Variants in WDFY4 observed in about 807,000 individuals in gnomAD.
WDFY4 encodes the protein WD repeat- and FYVE domain-containing protein 4.
A neutral mutation model predicts 351.9 loss-of-function variants in WDFY4; 169 were observed. The ratio of observed to expected loss-of-function variants is 0.48; its 90% confidence interval spans 0.42 to 0.55. WDFY4 has a LOEUF of 0.55. WDFY4 is among the 20% of genes least tolerant of loss of function. The pLI is 0.00. For synonymous variants in WDFY4, 1,622 were observed against 1,574.6 expected (o/e 1.03, Z -0.71); for missense variants, 3,803 against 3,935.6 (o/e 0.97, Z 0.90).
rs1265977684 is a variant in WDFY4, at chr10:48,796,363, C to G, written c.4323C>G (p.Leu1441=). 1 of 1,552,246 alleles carries G rather than the reference C, an allele frequency of 6.4e-7. No individual in the cohort carries two copies. Among genetic ancestry groups the G allele is most frequent in the Non-Finnish European group, 8.7e-7 (1 of 1,147,150 alleles). Residue 1441 remains leucine, a synonymous_variant, in exon 24 of 62, where the codon CTC becomes CTG. Coordinates refer to ENST00000325239, the MANE Select transcript of WDFY4 (RefSeq NM_001394531.1). ...LLNHRIFQLI[L]SVAGTVELGF... ...ACCATCGAATTTTTCAGCTGATCCT[C>G]TCAGTGGCTGGCACTGTGGAGCTGG...
intron 13 of WDFY4, among the ~76,000 whole-genome samples, chr10:48,771,611 G>A (rs892635599): frequency 6.6e-6 from 1 of 152,220 alleles, no homozygotes; most frequent in Admixed American, 6.5e-5. Context: ...CTAACTTCAA[G>A]AGCCTTGTGA....
At chr10:48,888,803 T>G (rs1037369282) in intron 43 of WDFY4, among the ~76,000 whole-genome samples, 4 of 152,238 alleles carry the variant, frequency 2.6e-5, no homozygotes, top group African/African-American at 9.6e-5. Context: ...AGGGTCTATG[T>G]CCTCACCAAG....
chr10:48,765,338 C>A (rs571425836), intron 13 of WDFY4, among the ~76,000 whole-genome samples: 1 of 152,294 alleles, frequency 6.6e-6, no homozygotes, highest in South Asian at 2.1e-4. Context: ...ACCAAGCAGT[C>A]ACAGAGCCAT....
chr10:48,974,518 A>AAAAAAAAAAAAAACAAC (rs1287019683), intron 57 of WDFY4, among the ~76,000 whole-genome samples: 6 of 27,974 alleles, frequency 2.1e-4, no homozygotes, highest in South Asian at 1.6e-3. Flanking sequence ...AAAAAAAAAA[A>AAAAAAAAAAAAAACAAC]AAAAAAAAAA....
Position 48,820,262 on chromosome 10 carries a change from C to T in WDFY4, c.5534C>T (p.Thr1845Ile). Residue 1845 changes from threonine (T) to isoleucine (I), a missense_variant, in exon 33 of 62, where the codon ACC (threonine) becomes ATC (isoleucine). By Grantham distance (89) the Thr-to-Ile change is moderately conservative. Coordinates refer to ENST00000325239, the MANE Select transcript of WDFY4 (RefSeq NM_001394531.1). ...KGVGAESTRNTSSPEAAAEGD... is the reference protein window; with the variant it reads ...KGVGAESTRNISSPEAAAEGD... ...GTTGGGGCTGAGTCCACCCGGAACACCAGCAGTCCTGAGGCCGCAGCTGAA... is the reference window on the plus strand; with the variant it reads ...GTTGGGGCTGAGTCCACCCGGAACATCAGCAGTCCTGAGGCCGCAGCTGAA... 1 of 1,551,704 alleles carries T rather than the reference C, an allele frequency of 6.4e-7. No homozygotes were observed.
At chr10:48,725,234 A>G (rs528990224) in intron 5 of WDFY4, among the ~76,000 whole-genome samples, 2 of 152,334 alleles carry the variant, frequency 1.3e-5, no homozygotes, top group South Asian at 4.1e-4. Flanking sequence ...GTAGCTTGTG[A>G]TATTTGTCAC....
Position 48,828,808 on chromosome 10 carries a change from G to GC in WDFY4, c.6254dup (p.Arg2086Ter). 1 of 1,549,990 alleles carries GC rather than the reference G, an allele frequency of 6.5e-7. No homozygotes were observed. Among genetic ancestry groups the GC allele is most frequent in the Non-Finnish European group, 8.7e-7 (1 of 1,146,386 alleles). On this transcript the variant is annotated frameshift_variant, in exon 37 of 62. Transcript: ENST00000325239. LOFTEE classifies it high-confidence loss of function. ...CAGAAGGATTTGGATTGGAGCCCAAGCCTAGAATGTCTACTTATCATCAAG... is the reference window on the plus strand; with the variant it reads ...CAGAAGGATTTGGATTGGAGCCCAAGCCCTAGAATGTCTACTTATCATCAAG...
intron 51 of WDFY4, among the ~76,000 whole-genome samples, chr10:48,947,786 G>A (rs1841123549): frequency 1.3e-5 from 2 of 152,210 alleles, no homozygotes; most frequent in South Asian, 4.1e-4. Flanking sequence ...ATAGCCCTCA[G>A]ATAGGGCAGC....
At chr10:48,745,394 A>C (rs1030837577) in intron 12 of WDFY4, among the ~76,000 whole-genome samples, 4 of 152,330 alleles carry the variant, frequency 2.6e-5, no homozygotes, top group African/African-American at 9.6e-5. Context: ...GCATGTTCTC[A>C]GAGTGTTAGG....
At chr10:48,742,412 A>T (rs1201824071) in intron 11 of WDFY4, among the ~76,000 whole-genome samples, 2 of 152,172 alleles carry the variant, frequency 1.3e-5, no homozygotes, top group African/African-American at 4.8e-5. Context: ...TTGCACAGAG[A>T]GGGAGATAAG....
chr10:48,874,872 ATT>A (rs1363351723), intron 41 of WDFY4, among the ~76,000 whole-genome samples: 1 of 152,144 alleles, frequency 6.6e-6, no homozygotes, highest in African/African-American at 2.4e-5. Context: ...TTAATGGAAG[ATT>A]GTGGGTTTTT....
chr10:48,913,513 G>A (rs1276937251), intron 47 of WDFY4: 1 of 1,613,820 alleles, frequency 6.2e-7, no homozygotes, highest in Non-Finnish European at 8.5e-7. Flanking sequence ...CGGGCGTTTT[G>A]GCATTTTCTC....
At chr10:48,957,650 T>C (rs1481742536) in intron 52 of WDFY4, among the ~76,000 whole-genome samples, 2 of 152,174 alleles carry the variant, frequency 1.3e-5, no homozygotes, top group African/African-American at 4.8e-5. Context: ...CAGTCCCATT[T>C]CCTCCATGTC....
intron 1 of WDFY4, among the ~76,000 whole-genome samples, chr10:48,694,771 G>A (rs2063288185): frequency 6.6e-6 from 1 of 152,096 alleles, no homozygotes; most frequent in Admixed American, 6.5e-5. Flanking sequence ...CACTCACGCT[G>A]CCCGGGGTGC....
intron 7 of WDFY4, 35 bp downstream of exon 7, chr10:48,727,694 G>A (rs749087833): frequency 8.4e-6 from 13 of 1,548,078 alleles, no homozygotes; most frequent in Middle Eastern, 3.3e-4. Context: ...GAGAGCACAG[G>A]ACCACCAAAG....
At chr10:48,823,823 T>G (rs1186810063) in intron 35 of WDFY4, 30 of 988,120 alleles carry the variant, frequency 3.0e-5, no homozygotes, top group Non-Finnish European at 3.1e-5. Context: ...TTGCTGTCTG[T>G]GATGCCTGCC....
chr10:48,691,477 C>T (rs1407571320), intron 1 of WDFY4, among the ~76,000 whole-genome samples: 3 of 152,192 alleles, frequency 2.0e-5, no homozygotes, highest in Non-Finnish European at 4.4e-5. Context: ...TGCTGGCCGG[C>T]TGGCAACCCG....
chr10:48,870,656 G>A (rs1440868988), intron 40 of WDFY4, among the ~76,000 whole-genome samples: 1 of 152,082 alleles, frequency 6.6e-6, no homozygotes, highest in Admixed American at 6.5e-5. Context: ...TGGCCCACTT[G>A]CAGTTTGAAT....
At chr10:48,875,043 T>C in intron 41 of WDFY4, 46 bp from the exon 42 acceptor site, 1 of 1,250,444 alleles carries the variant, frequency 8.0e-7, no homozygotes, top group Non-Finnish European at 1.1e-6. Flanking sequence ...GAAGCATAGA[T>C]GTAGCATCCA....
Sources: gnomAD v4.1 joint callset for allele counts (sites outside exome capture counted in the v4.1 genomes callset) on GRCh38, gnomAD v4.1.1 for gene constraint, MANE v1.5 for transcripts, NCBI Gene and HGNC (gene_info 2026-07-23, HGNC 2026-07-21) for gene names.